ACE: variants seen among roughly 807,000 people sequenced by gnomAD.
ACE encodes the protein angiotensin-converting enzyme.
Under a neutral mutation model 162.3 loss-of-function variants are expected in ACE, and 122 were observed. The observed-to-expected ratio is 0.75, with a 90% CI of 0.65 to 0.87. The LOEUF is 0.87. Ranked by LOEUF, ACE falls within the 40% of genes least tolerant of loss-of-function variation. The pLI is 0.00. For synonymous variants in ACE, 796 were observed against 720.6 expected (o/e 1.10, Z -1.68); for missense variants, 1,799 against 1,735.1 (o/e 1.04, Z -0.65).
rs1480732404 is a variant in ACE at position 63,497,525 on chromosome 17, C to T, written c.*159C>T. The T allele has an allele frequency of 2.6e-5, 19 of 737,186 alleles. No homozygotes were observed. The highest frequency in any genetic ancestry group is 6.0e-5 in the Admixed American group (3 of 49,982). The allele number at this position is 737,186 out of a possible 1,614,324, so 45.7% of individuals were successfully genotyped here. ...CCTCCCAGTCCTCCAGACCACCAGCCGCCCCAGCCCCTTCTCCCAGCACAC... is the reference window on the plus strand; with the variant it reads ...CCTCCCAGTCCTCCAGACCACCAGCTGCCCCAGCCCCTTCTCCCAGCACAC... On this transcript the variant is annotated 3_prime_UTR_variant, in exon 25 of 25. Transcript: ENST00000290866.
rs2029861347 is a variant in ACE, at chr17:63,483,830, T to A, written c.1587-19T>A. ...CTGGCCCCCCATGATCTTCCCTGAC[T>A]CCCACCCTGTGCCTGCAGGTACTTT... is the stretch of plus-strand genomic sequence containing the variant. On this transcript the variant is annotated intron_variant, in intron 10 of 24. Transcript: ENST00000290866. 6.2e-7 allele frequency: 1 copy of A among 1,613,794 alleles called. No individual in the cohort carries two copies. Among genetic ancestry groups the A allele is most frequent in the Non-Finnish European group, 8.5e-7 (1 of 1,180,030 alleles).
At position 63,481,658 on chromosome 17, in the gene ACE, G is replaced by C. The variant is rs34680431; in HGVS notation, c.1038G>C (p.Ser346=). The change falls in exon 7 of 25, where the codon TCG becomes TCC. Residue 346 remains serine (S), a synonymous_variant. Transcript: ENST00000290866. The stretch of plus-strand genomic sequence containing the variant: ...TGCCTCCCGAGTTCTGGGAAGGGTC[G>C]ATGCTGGAGAAGCCGGCCGACGGGC... ...SPMPPEFWEG[S]MLEKPADGRE... is the part of the protein sequence containing the mutation. 6,540 of 1,614,060 alleles carry C rather than the reference G, an allele frequency of 4.1e-3. 39 individuals are homozygous for C. The Middle Eastern group carries it at 0.042, about 10-fold the overall frequency.
Position 63,484,738 on chromosome 17 carries a change from G to A in ACE, c.1921+197G>A. The A allele has an allele frequency of 1.4e-6, 2 of 1,461,080 alleles. No individual in the cohort carries two copies. The highest frequency in any genetic ancestry group is 1.4e-5 in the South Asian group (1 of 70,612). The allele number at this position is 1,461,080 out of a possible 1,614,324, so 90.5% of individuals were successfully genotyped here. The stretch of plus-strand genomic sequence containing the variant: ...GTCTTTCCCCCAGCATCCTAGAGAG[G>A]GTGTGCTCAGACCTGAGGGCCCCTC... On this transcript the variant is annotated intron_variant, in intron 12 of 24. Coordinates refer to ENST00000290866, the MANE Select transcript of ACE (RefSeq NM_000789.4). The surrounding 1 kb of genome is among the most constrained non-coding windows in gnomAD (Gnocchi z 4.0).
intron 10 of ACE, 30 bp downstream of exon 10, chr17:63,483,588 A>G (rs772465980): frequency 2.5e-6 from 2 of 789,150 alleles, no homozygotes; most frequent in Non-Finnish European, 3.3e-6. Context: ...ACCCACCCCC[A>G]GTACTGTCAC....
chr17:63,482,885 G>C, intron 8 of ACE, 144 bp from the exon 9 acceptor site: 1 of 1,103,154 alleles, frequency 9.1e-7, no homozygotes, highest in Non-Finnish European at 1.4e-6. Context: ...CCTCTTCCAA[G>C]CAGGGCCCAG....
intron 3 of ACE, 62 bp from the exon 4 acceptor site, chr17:63,479,702 CTGGTG>C (rs2049674909): frequency 4.4e-6 from 7 of 1,599,882 alleles, no homozygotes; most frequent in Middle Eastern, 3.3e-4. Context: ...GGTGCAGGCT[CTGGTG>C]AAGGCCGTTG....
Position 63,477,298 on chromosome 17 carries a change from C to G in ACE, c.204C>G (p.Ser68Arg), listed in dbSNP as rs1170287329. 37 of 1,442,664 alleles carry G rather than the reference C, an allele frequency of 2.6e-5. No individual in the cohort carries two copies. The highest frequency in any genetic ancestry group is 1.6e-4 in the Admixed American group (7 of 43,798). 89.4% of individuals were successfully genotyped at this position (1,442,664 alleles called of 1,614,324 possible). ...EQVLFQSVAA[S>R]WAHDTNITAE... ...TGCTGTTCCAGAGCGTGGCCGCCAG[C>G]TGGGCGCACGACACCAACATCACCG... The change falls in exon 1 of 25, where the codon AGC becomes AGG. Residue 68 changes from serine (S) to arginine (R), a missense_variant. Ser to Arg is a moderately radical substitution (Grantham distance 110). Coordinates refer to ENST00000290866, the MANE Select transcript of ACE (RefSeq NM_000789.4).
At position 63,484,737 on chromosome 17, in the gene ACE, G is replaced by C; in HGVS notation, c.1921+196G>C. Reference sequence around the variant, plus strand: ...TGTCTTTCCCCCAGCATCCTAGAGAGGGTGTGCTCAGACCTGAGGGCCCCT... The same window carrying C: ...TGTCTTTCCCCCAGCATCCTAGAGACGGTGTGCTCAGACCTGAGGGCCCCT... On this transcript the variant is annotated intron_variant, in intron 12 of 24. Transcript: ENST00000290866. This position sits in a 1 kb window ranked among gnomAD's most constrained non-coding sequence, Gnocchi z 4.0. The C allele has an allele frequency of 6.9e-7, 1 of 1,458,080 alleles. No individual in the cohort carries two copies. The allele number at this position is 1,458,080 out of a possible 1,614,324, so 90.3% of individuals were successfully genotyped here.
At position 63,488,420 on chromosome 17, in the gene ACE, G is replaced by T. The variant is rs567568120; in HGVS notation, c.2306-228G>T. 226 of 409,568 alleles carry T rather than the reference G, an allele frequency of 5.5e-4. 40 individuals are homozygous for T. The South Asian group carries it at 6.6e-3, about 12-fold the overall frequency. The allele number at this position is 409,568 out of a possible 1,614,324, so 25.4% of individuals were successfully genotyped here. On this transcript the variant is annotated intron_variant, in intron 15 of 24. Transcript: ENST00000290866. ...ACTCAAGCACGCCCCTCACAGGACT[G>T]CTGAGGCCCTGCAGGTGTCTGCAGC...
intron 12 of ACE, 93 bp from the exon 13 acceptor site, chr17:63,485,143 G>A: frequency 6.3e-7 from 1 of 1,592,730 alleles, no homozygotes. Flanking sequence ...CAGGGTACAA[G>A]GGAGTGCGAG....
At position 63,491,492 on chromosome 17, in the gene ACE, G is replaced by A; in HGVS notation, c.2912+111G>A. On this transcript the variant is annotated intron_variant, in intron 19 of 24. Coordinates refer to ENST00000290866, the MANE Select transcript of ACE (RefSeq NM_000789.4). This position sits in a 1 kb window ranked among gnomAD's most constrained non-coding sequence, Gnocchi z 4.4. ...AGCTGGAGCCAGCAGGGCAGGATGG[G>A]GACAGGGCCAGAGTTTGGGACTGAG... 7.0e-7 allele frequency: 1 copy of A among 1,431,528 alleles called. No individual in the cohort carries two copies. The highest frequency in any genetic ancestry group is 1.8e-5 in the Admixed American group (1 of 57,026). The allele number at this position is 1,431,528 out of a possible 1,614,324, so 88.7% of individuals were successfully genotyped here.
At position 63,483,183 on chromosome 17, in the gene ACE, G is replaced by A. The variant is rs76032387; in HGVS notation, c.1487+10G>A. On this transcript the variant is annotated intron_variant, in intron 9 of 24. Coordinates refer to ENST00000290866, the MANE Select transcript of ACE (RefSeq NM_000789.4). ...ACTGGTGGTATCTTCGGTGAGAGGA[G>A]GGATAGAAAAGCCTTCGCCCCAGCT... is the stretch of plus-strand genomic sequence containing the variant. 6.2e-7 allele frequency: 1 copy of A among 1,613,492 alleles called. No homozygotes were observed. Among genetic ancestry groups the A allele is most frequent in the Admixed American group, 1.7e-5 (1 of 60,020 alleles).
rs909329189 is a variant in ACE at position 63,491,975 on chromosome 17, C to T, written c.2912+594C>T. On this transcript the variant is annotated intron_variant, in intron 19 of 24. Coordinates refer to ENST00000290866, the MANE Select transcript of ACE (RefSeq NM_000789.4). The surrounding 1 kb of genome is among the most constrained non-coding windows in gnomAD (Gnocchi z 4.4). ...CTCTGTTGGGGGCAGCTCTCACAGC[C>T]GGGATGGCTCAATGGGGGCCATACG... Among the ~76,000 whole-genome samples the T allele has an allele frequency of 3.9e-5, 6 of 152,246 alleles. No individual in the cohort carries two copies. Among genetic ancestry groups the T allele is most frequent in the Non-Finnish European group, 7.3e-5 (5 of 68,040 alleles).
intron 4 of ACE, 152 bp downstream of exon 4, chr17:63,480,064 AC>A: frequency 7.7e-7 from 1 of 1,296,272 alleles, no homozygotes; most frequent in Non-Finnish European, 1.1e-6. Flanking sequence ...ACCGGCCTGC[AC>A]CCAGTGTGCC....
chr17:63,479,719 A>G, intron 3 of ACE, 50 bp from the exon 4 acceptor site: 1 of 1,610,100 alleles, frequency 6.2e-7, no homozygotes, highest in Non-Finnish European at 8.5e-7. Context: ...AGGCCGTTGA[A>G]GACTTCAACG....
In ACE at chr17:63,477,318, T is replaced by TCAC; in HGVS notation, c.226_228dup (p.Thr76dup). The TCAC allele has an allele frequency of 7.5e-7, 1 of 1,330,862 alleles. No individual in the cohort carries two copies. Among genetic ancestry groups the TCAC allele is most frequent in the Non-Finnish European group, 9.7e-7 (1 of 1,026,282 alleles). The allele number at this position is 1,330,862 out of a possible 1,614,324, so 82.4% of individuals were successfully genotyped here. Reference sequence around the variant, plus strand: ...GCCAGCTGGGCGCACGACACCAACATCACCGCGGAGAATGCAAGGCGCCAG... The same window carrying TCAC: ...GCCAGCTGGGCGCACGACACCAACATCACCACCGCGGAGAATGCAAGGCGCCAG... On this transcript the variant is annotated inframe_insertion, in exon 1 of 25. Coordinates refer to ENST00000290866, the MANE Select transcript of ACE (RefSeq NM_000789.4).
intron 1 of ACE, 112 bp from the exon 2 acceptor site, chr17:63,477,819 G>A (rs1281872613): frequency 1.5e-6 from 2 of 1,373,964 alleles, no homozygotes; most frequent in Non-Finnish European, 2.0e-6. Context: ...CCCAGGGCCC[G>A]GGCTCTGGAA....
At chr17:63,489,878 T>C (rs2030254449) in intron 17 of ACE, 1 of 152,992 alleles carries the variant, frequency 6.5e-6, no homozygotes, top group Non-Finnish European at 1.5e-5. Flanking sequence ...CTTCAGCCCC[T>C]CTCTGGTGAG....
chr17:63,496,780 T>TGTCTCATGCCTCCCC lies in ACE; in HGVS notation c.3504-17_3504-3dup, dbSNP rs764419348. 2 of 1,610,564 alleles carry TGTCTCATGCCTCCCC rather than the reference T, an allele frequency of 1.2e-6. No homozygotes were observed. Among genetic ancestry groups the TGTCTCATGCCTCCCC allele is most frequent in the South Asian group, 1.1e-5 (1 of 91,074 alleles). On this transcript the variant is annotated splice_polypyrimidine_tract_variant and intron_variant, in intron 23 of 24. Transcript: ENST00000290866. ...CCATGTCCTTCTGACTCTGCCTCCC[T>TGTCTCATGCCTCCCC]GTCTCATGCCTCCCCAGGACCGCCA...
Sources: allele counts gnomAD v4.1 joint callset (sites outside exome capture counted in the v4.1 genomes callset), GRCh38; gene constraint gnomAD v4.1.1; non-coding constraint Gnocchi (gnomAD v3.1); transcripts MANE v1.5; gene names NCBI Gene and HGNC (gene_info 2026-07-23, HGNC 2026-07-21).